The following RALYL variants were observed in gnomAD, a reference collection of about 807,000 sequenced individuals.
RALYL encodes RNA-binding Raly-like protein.
In RALYL, 29 loss-of-function variants were observed where a neutral mutation model predicts 35.1. The observed-to-expected ratio is 0.83, with a 90% CI of 0.61 to 1.13. RALYL has a LOEUF of 1.13. RALYL is among the 50% of genes most tolerant of loss of function. The probability of loss-of-function intolerance (pLI) is 0.00; values close to 1 mark genes in which losing one functional copy is unlikely to be tolerated. For synonymous variants in RALYL, 120 were observed against 127.6 expected, an observed-to-expected ratio of 0.94 and a Z score of 0.40; for missense variants, 359 against 360.4, an observed-to-expected ratio of 1.00 and a Z score of 0.03.
rs551445902 is a variant in RALYL, at chr8:84,275,700, C to T, written c.-24+91276C>T. Among the ~76,000 whole-genome samples the T allele has an allele frequency of 2.9e-4, 44 of 152,156 alleles. 2 individuals are homozygous for T. Among genetic ancestry groups the T allele is most frequent in the African/African-American group, 6.7e-4 (28 of 41,546 alleles). On this transcript the variant is annotated intron_variant, in intron 1 of 8. Transcript: ENST00000521268. ...CTTCTCAATATGCCAGCCTGCCCAA[C>T]GCCTGGTAACCAACATGCTACTTTC...
chr8:84,849,225 A>T (rs1337563020), intron 4 of RALYL, among the ~76,000 whole-genome samples: 1 of 152,230 alleles, frequency 6.6e-6, no homozygotes, highest in Non-Finnish European at 1.5e-5. Flanking sequence ...ATATTTAAAT[A>T]TACTAAAATA....
intron 2 of RALYL, among the ~76,000 whole-genome samples, chr8:84,638,869 T>G (rs1825647531): frequency 1.3e-5 from 1 of 75,994 alleles, no homozygotes; most frequent in Non-Finnish European, 2.3e-5. Context: ...AATGCACGCA[T>G]AAATATATAT....
rs993593554 is a variant in RALYL, at chr8:84,184,096, T to G, written c.-352T>G. 1 of 152,202 alleles carries G rather than the reference T, an allele frequency of 6.6e-6. No individual in the cohort carries two copies. Among genetic ancestry groups the G allele is most frequent in the East Asian group, 1.9e-4 (1 of 5,198 alleles). The allele number at this position is 152,202 out of a possible 1,614,324, so 9.4% of individuals were successfully genotyped here. Reference sequence around the variant, plus strand: ...CCGGTGAAAACAAATTCGTTTTTTTTCCCTCCTGTTTTTGATACCCATTGA... The same window carrying G: ...CCGGTGAAAACAAATTCGTTTTTTTGCCCTCCTGTTTTTGATACCCATTGA... On this transcript the variant is annotated 5_prime_UTR_variant, in exon 1 of 9. Transcript: ENST00000521268.
chr8:84,752,363 A>G (rs1367311666), intron 2 of RALYL, among the ~76,000 whole-genome samples: 5 of 152,164 alleles, frequency 3.3e-5, no homozygotes, highest in African/African-American at 1.2e-4. Flanking sequence ...GTTACCTGAA[A>G]CTGGAACTTA....
chr8:84,603,362 C>A (rs1017958023), intron 2 of RALYL, among the ~76,000 whole-genome samples: 21 of 151,998 alleles, frequency 1.4e-4, no homozygotes, highest in Non-Finnish European at 2.9e-4. Context: ...AAAGCTTCCT[C>A]CTTTTGTCTT....
chr8:84,234,489 TTTAATG>T (rs1402357857), intron 1 of RALYL, among the ~76,000 whole-genome samples: 1 of 152,222 alleles, frequency 6.6e-6, no homozygotes, highest in Non-Finnish European at 1.5e-5. Context: ...GTACTTGATC[TTTAATG>T]TTAAGATAGG....
intron 2 of RALYL, among the ~76,000 whole-genome samples, chr8:84,573,031 T>G (rs1003865681): frequency 5.3e-5 from 8 of 151,732 alleles, no homozygotes; most frequent in African/African-American, 1.9e-4. Context: ...TCATATATAA[T>G]GTAAGAATCT....
At chr8:84,778,110 A>C (rs1018597927) in intron 3 of RALYL, among the ~76,000 whole-genome samples, 9 of 152,216 alleles carry the variant, frequency 5.9e-5, no homozygotes, top group Admixed American at 2.0e-4. Flanking sequence ...CAGGGTGAAG[A>C]GAGAGCATAA....
At chr8:84,399,158 A>C (rs1438772601) in intron 1 of RALYL, among the ~76,000 whole-genome samples, 1 of 152,188 alleles carries the variant, frequency 6.6e-6, no homozygotes, top group Non-Finnish European at 1.5e-5. Context: ...GCTCTAACAC[A>C]ATATCACAAG....
intron 1 of RALYL, among the ~76,000 whole-genome samples, chr8:84,426,436 CTCTGTGTGTGTG>C (rs924467209): frequency 2.3e-5 from 3 of 130,880 alleles, no homozygotes; most frequent in Non-Finnish European, 5.0e-5. Flanking sequence ...CTCTCTCTCT[CTCTGTGTGTGTG>C]TGTGTGTGTG....
At chr8:84,813,375 C>A (rs931149492) in intron 4 of RALYL, among the ~76,000 whole-genome samples, 11 of 152,162 alleles carry the variant, frequency 7.2e-5, no homozygotes, top group African/African-American at 2.7e-4. Context: ...ATTCACCATG[C>A]GAGCCTCTGC....
chr8:84,509,091 A>G (rs2057401994), intron 1 of RALYL, among the ~76,000 whole-genome samples: 1 of 152,162 alleles, frequency 6.6e-6, no homozygotes, highest in Non-Finnish European at 1.5e-5. Flanking sequence ...AAGATATTCT[A>G]TTGGAGAAAG....
At chr8:84,885,860 T>C (rs1384020017) in intron 7 of RALYL, among the ~76,000 whole-genome samples, 1 of 152,186 alleles carries the variant, frequency 6.6e-6, no homozygotes, top group Non-Finnish European at 1.5e-5. Flanking sequence ...CTACCTTTTG[T>C]ATATAATAGA....
chr8:84,622,133 C>T (rs1037620932), intron 2 of RALYL, among the ~76,000 whole-genome samples: 6 of 152,076 alleles, frequency 3.9e-5, no homozygotes, highest in African/African-American at 1.4e-4. Context: ...CAATTCAAGA[C>T]AAACATAGTA....
At chr8:84,350,321 G>C (rs1217673395) in intron 1 of RALYL, among the ~76,000 whole-genome samples, 7 of 150,504 alleles carry the variant, frequency 4.7e-5, no homozygotes, top group Non-Finnish European at 8.9e-5. Flanking sequence ...GCTTATAACA[G>C]TTTGCTATAC....
chr8:84,451,837 T>C (rs1055250001), intron 1 of RALYL, among the ~76,000 whole-genome samples: 2 of 152,030 alleles, frequency 1.3e-5, no homozygotes, highest in African/African-American at 4.8e-5. Flanking sequence ...GCATTACTTA[T>C]TCCCATTTGC....
At chr8:84,272,666 A>G (rs953275898) in intron 1 of RALYL, among the ~76,000 whole-genome samples, 1 of 152,190 alleles carries the variant, frequency 6.6e-6, no homozygotes, top group Non-Finnish European at 1.5e-5. Flanking sequence ...AATTTCATTT[A>G]TCAGTCATAA....
intron 1 of RALYL, among the ~76,000 whole-genome samples, chr8:84,423,341 A>T (rs368987230): frequency 6.7e-6 from 1 of 148,842 alleles, no homozygotes; most frequent in Non-Finnish European, 1.5e-5. Flanking sequence ...GTTGGTTTAA[A>T]GTCTGTTTTA....
intron 2 of RALYL, among the ~76,000 whole-genome samples, chr8:84,751,595 T>C (rs1212290031): frequency 2.2e-4 from 33 of 152,258 alleles, no homozygotes; most frequent in South Asian, 2.1e-4. Flanking sequence ...ATACCCATTA[T>C]TGGAGGTGGG....
Sources: allele counts gnomAD v4.1 joint callset (sites outside exome capture counted in the v4.1 genomes callset), GRCh38; gene constraint gnomAD v4.1.1; transcripts MANE v1.5; gene names NCBI Gene and HGNC (gene_info 2026-07-23, HGNC 2026-07-21).